Variants in NEGR1 observed in about 807,000 individuals in gnomAD.
The protein encoded by NEGR1 is neuronal growth regulator 1, also known as IgLON family member 4.
Under a neutral mutation model 40.9 loss-of-function variants are expected in NEGR1, and 10 were observed. The observed-to-expected ratio is 0.24, with a 90% CI of 0.15 to 0.42. NEGR1 has a LOEUF of 0.42. Ranked by LOEUF, NEGR1 falls within the 10% of genes least tolerant of loss-of-function variation. The pLI is 1.00. For synonymous variants in NEGR1, 185 were observed against 166.8 expected (o/e 1.11, Z -0.84); for missense variants, 352 against 438.9 (o/e 0.80, Z 1.77).
intron 2 of NEGR1, among the ~76,000 whole-genome samples, chr1:71,878,306 C>T (rs1314236694): frequency 6.6e-6 from 1 of 152,016 alleles, no homozygotes; most frequent in Non-Finnish European, 1.5e-5. Flanking sequence ...TTATCTTTCC[C>T]AGCAGTGATT....
At chr1:71,729,813 TTTTTG>T (rs1196485945) in intron 3 of NEGR1, among the ~76,000 whole-genome samples, 2 of 151,584 alleles carry the variant, frequency 1.3e-5, no homozygotes, top group Admixed American at 6.6e-5. Context: ...AATTTTTGTT[TTTTTG>T]TTTTGTTTTG....
At chr1:72,125,891 AG>A (rs1649996557) in intron 1 of NEGR1, among the ~76,000 whole-genome samples, 1 of 152,204 alleles carries the variant, frequency 6.6e-6, no homozygotes, top group African/African-American at 2.4e-5. Flanking sequence ...GACACAGGAA[AG>A]AACAGAAGCC....
chr1:71,446,910 T>G (rs1337937277), intron 6 of NEGR1, among the ~76,000 whole-genome samples: 1 of 152,242 alleles, frequency 6.6e-6, no homozygotes, highest in African/African-American at 2.4e-5. Flanking sequence ...CATTATTTTG[T>G]GTCTGGCCAA....
chr1:72,034,883 A>G (rs1481742775), intron 1 of NEGR1, among the ~76,000 whole-genome samples: 1 of 152,160 alleles, frequency 6.6e-6, no homozygotes, highest in African/African-American at 2.4e-5. Context: ...CCTGATAGAT[A>G]TGCAAACTAG....
chr1:71,750,696 G>A (rs1655542819), intron 3 of NEGR1, among the ~76,000 whole-genome samples: 1 of 152,100 alleles, frequency 6.6e-6, no homozygotes, highest in Non-Finnish European at 1.5e-5. Context: ...CCCATAACAT[G>A]TGGGAATGGT....
intron 3 of NEGR1, among the ~76,000 whole-genome samples, chr1:71,731,533 T>G (rs1654866945): frequency 6.6e-6 from 1 of 152,236 alleles, no homozygotes; most frequent in African/African-American, 2.4e-5. Context: ...GATAATTATT[T>G]TGGTTAAGAG....
intron 1 of NEGR1, among the ~76,000 whole-genome samples, chr1:72,096,293 A>G (rs899203332): frequency 1.3e-5 from 2 of 152,292 alleles, no homozygotes; most frequent in Admixed American, 1.3e-4. Flanking sequence ...ATAAACCAAA[A>G]TTTGCGCAGA....
intron 6 of NEGR1, among the ~76,000 whole-genome samples, chr1:71,408,220 A>G (rs1221909123): frequency 6.6e-6 from 1 of 152,092 alleles, no homozygotes; most frequent in Non-Finnish European, 1.5e-5. Context: ...ATAAAAGGAC[A>G]GAGCAAGGTG....
intron 1 of NEGR1, among the ~76,000 whole-genome samples, chr1:72,171,209 GAACA>G (rs1456884890): frequency 8.6e-5 from 13 of 152,016 alleles, no homozygotes; most frequent in African/African-American, 3.1e-4. Flanking sequence ...AAAATTAAAA[GAACA>G]AACAGCCATC....
chr1:71,682,223 C>A (rs1652863574), intron 4 of NEGR1, among the ~76,000 whole-genome samples: 1 of 151,500 alleles, frequency 6.6e-6, no homozygotes, highest in Non-Finnish European at 1.5e-5. Context: ...CAGTTGTAAG[C>A]TTTTTAATTT....
At chr1:72,075,071 T>C (rs1423691875) in intron 1 of NEGR1, among the ~76,000 whole-genome samples, 2 of 152,156 alleles carry the variant, frequency 1.3e-5, no homozygotes, top group African/African-American at 2.4e-5. Context: ...ACTTGAACCA[T>C]GGAATAAAAT....
chr1:72,057,291 T>C (rs772655060), intron 1 of NEGR1, among the ~76,000 whole-genome samples: 15 of 151,558 alleles, frequency 9.9e-5, no homozygotes, highest in Non-Finnish European at 1.8e-4. Flanking sequence ...TTGGAGTGCA[T>C]TTAAATCCAA....
chr1:71,927,334 G>C (rs1273869183), intron 2 of NEGR1, among the ~76,000 whole-genome samples: 1 of 152,108 alleles, frequency 6.6e-6, no homozygotes, highest in African/African-American at 2.4e-5. Context: ...TGGTGAACCT[G>C]AGTTTTTCTG....
At chr1:71,594,963 G>A (rs182189962) in intron 5 of NEGR1, among the ~76,000 whole-genome samples, 51 of 152,306 alleles carry the variant, frequency 3.3e-4, no homozygotes, top group African/African-American at 1.1e-3. Context: ...AAATTAACCA[G>A]GGCCTTCAAC....
At chr1:71,430,926 A>C (rs917769846) in intron 6 of NEGR1, among the ~76,000 whole-genome samples, 11 of 151,596 alleles carry the variant, frequency 7.3e-5, no homozygotes, top group Admixed American at 1.3e-4. Context: ...GGCCCGACTA[A>C]TTTTTTGTAT....
intron 3 of NEGR1, among the ~76,000 whole-genome samples, chr1:71,709,742 A>G (rs1432687687): frequency 6.6e-6 from 1 of 152,246 alleles, no homozygotes; most frequent in African/African-American, 2.4e-5. Flanking sequence ...ACTTAAATTT[A>G]AGCCCTCAAA....
Position 71,871,256 on chromosome 1 carries a change from T to C in NEGR1, c.409+63823A>G, listed in dbSNP as rs190668469. Among the ~76,000 whole-genome samples the C allele has an allele frequency of 1.6e-3, 242 of 152,284 alleles. 1 individual carries two copies. Among genetic ancestry groups the C allele is most frequent in the African/African-American group, 5.5e-3 (229 of 41,574 alleles). Reference sequence around the variant, plus strand: ...GCTGAGATGTAAAAAGACATAGCTCTAGGGGTGATCTCAGAAGCAAGTGAC... The same window carrying C: ...GCTGAGATGTAAAAAGACATAGCTCCAGGGGTGATCTCAGAAGCAAGTGAC... On this transcript the variant is annotated intron_variant, in intron 2 of 6. Transcript: ENST00000357731.
intron 4 of NEGR1, among the ~76,000 whole-genome samples, chr1:71,651,371 G>A (rs1159229990): frequency 1.3e-5 from 2 of 152,030 alleles, no homozygotes; most frequent in Non-Finnish European, 2.9e-5. Context: ...TTTGAATCCA[G>A]ACTGCTTTTC....
At chr1:72,043,919 A>C (rs1646978132) in intron 1 of NEGR1, among the ~76,000 whole-genome samples, 1 of 151,892 alleles carries the variant, frequency 6.6e-6, no homozygotes, top group Non-Finnish European at 1.5e-5. Context: ...AAAACATGTC[A>C]GAATAAATGC....
Sources: gnomAD v4.1 joint callset for allele counts (sites outside exome capture counted in the v4.1 genomes callset) on GRCh38, gnomAD v4.1.1 for gene constraint, MANE v1.5 for transcripts, NCBI Gene and HGNC (gene_info 2026-07-23, HGNC 2026-07-21) for gene names.